The following SPHKAP variants were observed in gnomAD, a reference collection of about 807,000 sequenced individuals.
SPHKAP encodes SPHK1 interactor, AKAP domain containing, also known as A-kinase anchor protein SPHKAP.
SPHKAP carries 67 observed loss-of-function variants against 137.5 expected under a neutral mutation model. The ratio of observed to expected loss-of-function variants is 0.49; its 90% confidence interval spans 0.40 to 0.60. SPHKAP has a LOEUF of 0.60. SPHKAP is among the 20% of genes least tolerant of loss of function. The pLI, the probability that SPHKAP is intolerant of heterozygous loss-of-function variation, is 0.00. For missense variants in SPHKAP, 2,097 were observed against 2,069.3 expected (o/e 1.01, Z -0.26); for synonymous variants, 813 against 785.3 (o/e 1.04, Z -0.59).
At chr2:228,036,240 C>T (rs928491618) in intron 3 of SPHKAP, among the ~76,000 whole-genome samples, 6 of 151,796 alleles carry the variant, frequency 4.0e-5, no homozygotes, top group African/African-American at 1.5e-4. Flanking sequence ...ACAGACACTT[C>T]TCAAAAGAAG....
At chr2:228,096,798 C>T (rs564954165) in intron 3 of SPHKAP, among the ~76,000 whole-genome samples, 21 of 152,238 alleles carry the variant, frequency 1.4e-4, no homozygotes, top group Admixed American at 5.9e-4. Flanking sequence ...AATTTCCCTT[C>T]TGCTTTTAGC....
chr2:228,062,981 T>G (rs1409729930), intron 3 of SPHKAP, among the ~76,000 whole-genome samples: 2 of 152,176 alleles, frequency 1.3e-5, no homozygotes, highest in Non-Finnish European at 2.9e-5. Context: ...TAAAGTCTAT[T>G]GAGTACAGAA....
chr2:228,133,306 CAAATAAATAAATAAATAAATAAATAAAT>C (rs61240096), intron 1 of SPHKAP, among the ~76,000 whole-genome samples: 2 of 148,330 alleles, frequency 1.3e-5, no homozygotes, highest in African/African-American at 5.0e-5. Context: ...GACTCCATCT[CAAATAAATAAATAAATAAATAAATAAAT>C]AAATAAATAA....
rs1205337803 is a variant in SPHKAP, at chr2:228,018,190, G to GTTGTACTTTTC, written c.2653_2663dup (p.Asn888LysfsTer21). On this transcript the variant is annotated frameshift_variant, in exon 7 of 12. Transcript: ENST00000392056. LOFTEE classifies it high-confidence loss of function. ...CTTCGTTGATGCGAGATGTGGCACA[G>GTTGTACTTTTC]TTGTACTTTTCTTGGGTGTTTGGGT... is the stretch of plus-strand genomic sequence containing the variant. 2.5e-6 allele frequency: 4 copies of GTTGTACTTTTC among 1,614,088 alleles called. No individual in the cohort carries two copies. The highest frequency in any genetic ancestry group is 1.3e-5 in the African/African-American group (1 of 74,940).
At chr2:228,015,400 A>C (rs1467801796) in intron 7 of SPHKAP, among the ~76,000 whole-genome samples, 3 of 151,974 alleles carry the variant, frequency 2.0e-5, no homozygotes, top group Non-Finnish European at 2.9e-5. Context: ...ATGTGTCTTT[A>C]TAGCAGCATG....
At chr2:228,070,216 T>A (rs567984431) in intron 3 of SPHKAP, among the ~76,000 whole-genome samples, 28 of 152,190 alleles carry the variant, frequency 1.8e-4, no homozygotes, top group Non-Finnish European at 3.7e-4. Flanking sequence ...ATTTTTATGT[T>A]ATATATATTA....
rs867111863 is a variant in SPHKAP, at chr2:228,086,507, C to T, written c.246+22325G>A. On this transcript the variant is annotated intron_variant, in intron 3 of 11. Coordinates refer to ENST00000392056, the MANE Select transcript of SPHKAP (RefSeq NM_001142644.2). ...GATACTAAATTCTCAATGAGTGAAG[C>T]CAAGAAGCTGGGGACTCCTTTTTTT... 3.3e-5 allele frequency among the ~76,000 whole-genome samples: 5 copies of T among 152,104 alleles called. 1 individual carries two copies. The South Asian group carries it at 1.0e-3, about 32-fold the overall frequency.
At chr2:227,981,902 G>T in intron 11 of SPHKAP, 42 bp from the exon 12 acceptor site, 1 of 1,581,708 alleles carries the variant, frequency 6.3e-7, no homozygotes, top group South Asian at 1.2e-5. Context: ...AGCACAGAGG[G>T]TCCTCAAAGC....
intron 3 of SPHKAP, among the ~76,000 whole-genome samples, chr2:228,065,800 T>G (rs1397762273): frequency 2.6e-5 from 4 of 152,186 alleles, no homozygotes; most frequent in African/African-American, 9.7e-5. Context: ...AAGGCTGCTT[T>G]TGGGTCTGTG....
chr2:228,105,123 T>G (rs1574853665), intron 3 of SPHKAP, among the ~76,000 whole-genome samples: 3 of 152,218 alleles, frequency 2.0e-5, no homozygotes, highest in East Asian at 3.9e-4. Flanking sequence ...CATGCACCAC[T>G]ATGCCCAGCT....
chr2:228,116,936 A>G (rs1379125091), intron 2 of SPHKAP, among the ~76,000 whole-genome samples: 1 of 152,070 alleles, frequency 6.6e-6, no homozygotes, highest in Admixed American at 6.6e-5. Flanking sequence ...CATTTTTTTC[A>G]TATCATTCCA....
At chr2:228,132,747 C>A (rs867801546) in intron 1 of SPHKAP, among the ~76,000 whole-genome samples, 1 of 151,530 alleles carries the variant, frequency 6.6e-6, no homozygotes, top group East Asian at 1.9e-4. Context: ...CCTGTAATCA[C>A]AACACTTTGG....
intron 1 of SPHKAP, among the ~76,000 whole-genome samples, chr2:228,149,609 C>T (rs970899142): frequency 6.6e-6 from 1 of 152,172 alleles, no homozygotes; most frequent in Non-Finnish European, 1.5e-5. Flanking sequence ...AAGAGGATCT[C>T]CAATCTAAGC....
chr2:228,107,168 T>C (rs13415288), intron 3 of SPHKAP, among the ~76,000 whole-genome samples: 49,413 of 151,848 alleles, frequency 0.33, 8,514 homozygotes, highest in East Asian at 0.5. Context: ...TGTTCTACCA[T>C]AGACCTCTTA....
At chr2:228,008,895 T>C (rs1694249469) in intron 7 of SPHKAP, among the ~76,000 whole-genome samples, 1 of 152,178 alleles carries the variant, frequency 6.6e-6, no homozygotes, top group African/African-American at 2.4e-5. Context: ...TAAATCATCA[T>C]GTCAGGTAGT....
intron 1 of SPHKAP, 112 bp from the exon 2 acceptor site, chr2:228,132,197 G>A: frequency 1.1e-6 from 1 of 901,476 alleles, no homozygotes; most frequent in Non-Finnish European, 1.7e-6. Context: ...TTTTCAGATT[G>A]CATTAAACAC....
chr2:228,016,907 G>A lies in SPHKAP; in HGVS notation c.3947C>T (p.Ala1316Val). Reference protein sequence around the residue: ...IHETWASSIEALMRKNKIIVD... With the variant: ...IHETWASSIEVLMRKNKIIVD... ...AATGATTTTGTTCTTGCGCATGAGAGCCTCAATGGAGCTAGCCCACGTTTC... is the reference window on the plus strand; with the variant it reads ...AATGATTTTGTTCTTGCGCATGAGAACCTCAATGGAGCTAGCCCACGTTTC... The change falls in exon 7 of 12, where the codon GCT becomes GTT. Residue 1316 changes from alanine to valine, a missense_variant. Transcript: ENST00000392056. The A allele has an allele frequency of 6.2e-7, 1 of 1,614,076 alleles. No homozygotes were observed. Among genetic ancestry groups the A allele is most frequent in the Non-Finnish European group, 8.5e-7 (1 of 1,180,014 alleles).
chr2:228,009,308 T>C (rs939765449), intron 7 of SPHKAP, among the ~76,000 whole-genome samples: 13 of 152,196 alleles, frequency 8.5e-5, no homozygotes, highest in Admixed American at 5.2e-4. Context: ...CTTTATGATT[T>C]GCTTTTAATA....
chr2:228,135,491 C>T (rs1699410502), intron 1 of SPHKAP, among the ~76,000 whole-genome samples: 1 of 152,152 alleles, frequency 6.6e-6, no homozygotes, highest in African/African-American at 2.4e-5. Context: ...ACTTTTTATG[C>T]ACCCAAAAGT....
Sources: allele counts gnomAD v4.1 joint callset (sites outside exome capture counted in the v4.1 genomes callset), GRCh38; gene constraint gnomAD v4.1.1; transcripts MANE v1.5; gene names NCBI Gene and HGNC (gene_info 2026-07-23, HGNC 2026-07-21).